The following KCNQ5 variants were observed in gnomAD, a reference collection of about 807,000 sequenced individuals.
KCNQ5 encodes potassium voltage-gated channel subfamily KQT member 5.
Under a neutral mutation model 98.2 loss-of-function variants are expected in KCNQ5, and 30 were observed. The ratio of observed to expected loss-of-function variants is 0.31; its 90% CI spans 0.23 to 0.41. The LOEUF (loss-of-function observed/expected upper bound fraction) is 0.41. Ranked by LOEUF, KCNQ5 falls within the 10% of genes least tolerant of loss-of-function variation. The pLI, the probability that KCNQ5 is intolerant of heterozygous loss-of-function variation, is 1.00. For missense variants in KCNQ5, 835 were observed against 1,182.5 expected, an observed-to-expected ratio of 0.71 and a Z score of 4.31; for synonymous variants, 458 against 449.4, an observed-to-expected ratio of 1.02 and a Z score of -0.24.
intron 7 of KCNQ5, among the ~76,000 whole-genome samples, chr6:73,112,142 A>T (rs1173644432): frequency 6.6e-6 from 1 of 152,106 alleles, no homozygotes; most frequent in Non-Finnish European, 1.5e-5. Flanking sequence ...TTAGATTCAT[A>T]ATGTAGAGTT....
intron 1 of KCNQ5, among the ~76,000 whole-genome samples, chr6:72,845,539 C>A (rs1776984665): frequency 6.6e-6 from 1 of 152,150 alleles, no homozygotes; most frequent in South Asian, 2.1e-4. Flanking sequence ...ATATTTTAAA[C>A]ACTTTCAGAT....
At chr6:72,671,879 C>T (rs553840426) in intron 1 of KCNQ5, among the ~76,000 whole-genome samples, 12 of 150,392 alleles carry the variant, frequency 8.0e-5, no homozygotes, top group Non-Finnish European at 3.0e-5. Context: ...TGCAGTGGCA[C>T]GATCTCGGCT....
At chr6:72,736,095 A>ACG (rs1182095910) in intron 1 of KCNQ5, among the ~76,000 whole-genome samples, 2 of 151,748 alleles carry the variant, frequency 1.3e-5, no homozygotes, top group African/African-American at 4.8e-5. Context: ...ACACACACAC[A>ACG]CACACACACA....
chr6:73,072,455 C>T (rs9446831), intron 3 of KCNQ5, among the ~76,000 whole-genome samples: 4,802 of 152,264 alleles, frequency 0.032, 242 homozygotes, highest in African/African-American at 0.11. Flanking sequence ...ATTGGCCTTG[C>T]TCTAACCCAA....
intron 1 of KCNQ5, among the ~76,000 whole-genome samples, chr6:72,961,804 AGAG>A (rs1767370536): frequency 6.6e-6 from 1 of 152,180 alleles, no homozygotes; most frequent in East Asian, 1.9e-4. Flanking sequence ...AGAGGTTGAC[AGAG>A]GAGAACAGAG....
intron 1 of KCNQ5, among the ~76,000 whole-genome samples, chr6:72,917,260 A>T (rs1174017679): frequency 6.6e-6 from 1 of 152,188 alleles, no homozygotes; most frequent in Non-Finnish European, 1.5e-5. Context: ...AGAAAAAAAT[A>T]CCAATACTTA....
intron 1 of KCNQ5, among the ~76,000 whole-genome samples, chr6:72,984,445 C>T (rs116086801): frequency 0.026 from 3,890 of 152,260 alleles, 167 homozygotes; most frequent in African/African-American, 0.087. Flanking sequence ...GCCAGGCTGC[C>T]GCCTCACAGT....
intron 1 of KCNQ5, among the ~76,000 whole-genome samples, chr6:72,721,820 G>A (rs889830111): frequency 2.0e-5 from 3 of 152,154 alleles, no homozygotes; most frequent in Admixed American, 6.5e-5. Flanking sequence ...CTATCAGGCT[G>A]TGTGAACCTT....
chr6:72,752,593 A>G, intron 1 of KCNQ5, among the ~76,000 whole-genome samples: 1 of 152,122 alleles, frequency 6.6e-6, no homozygotes, highest in East Asian at 1.9e-4. Flanking sequence ...GTGAGTCTCC[A>G]AGTTGTATTC....
chr6:72,815,743 G>A (rs1775479366), intron 1 of KCNQ5, among the ~76,000 whole-genome samples: 1 of 152,166 alleles, frequency 6.6e-6, no homozygotes, highest in South Asian at 2.1e-4. Context: ...TGAGACTGGT[G>A]CAAGAGGGAT....
chr6:73,095,857 G>A (rs1235212069), intron 5 of KCNQ5, among the ~76,000 whole-genome samples: 1 of 152,238 alleles, frequency 6.6e-6, no homozygotes, highest in East Asian at 1.9e-4. Context: ...CTTCCTGCAG[G>A]GGGTCTGTGG....
intron 1 of KCNQ5, 41 bp from the exon 2 acceptor site, chr6:73,003,867 G>C: frequency 1.5e-6 from 2 of 1,296,266 alleles, no homozygotes; most frequent in African/African-American, 2.9e-5. Context: ...GTGATAATAA[G>C]GTAAGGTTCT....
At chr6:72,852,640 A>AAGATATATATATATAT (rs1777311943) in intron 1 of KCNQ5, among the ~76,000 whole-genome samples, 1 of 56,802 alleles carries the variant, frequency 1.8e-5, no homozygotes, top group African/African-American at 8.9e-5. Flanking sequence ...ATGAAGGGGA[A>AAGATATATATATATAT]ATATATATAT....
At chr6:72,792,549 G>A (rs1774108871) in intron 1 of KCNQ5, among the ~76,000 whole-genome samples, 1 of 152,118 alleles carries the variant, frequency 6.6e-6, no homozygotes, top group African/African-American at 2.4e-5. Context: ...GTGACGATGG[G>A]TCATGTTTTT....
At chr6:73,153,801 A>T (rs967013375) in intron 10 of KCNQ5, among the ~76,000 whole-genome samples, 2 of 152,056 alleles carry the variant, frequency 1.3e-5, no homozygotes, top group African/African-American at 4.8e-5. Context: ...TTATGTCAAG[A>T]ATGTCATAAT....
At chr6:72,737,278 A>AT (rs1238268206) in intron 1 of KCNQ5, among the ~76,000 whole-genome samples, 2 of 152,312 alleles carry the variant, frequency 1.3e-5, no homozygotes, top group Middle Eastern at 3.4e-3. Context: ...TTTTAGTAGT[A>AT]ACAGTTTGAT....
At chr6:73,066,501 C>T (rs1375738889) in intron 3 of KCNQ5, among the ~76,000 whole-genome samples, 2 of 152,098 alleles carry the variant, frequency 1.3e-5, no homozygotes, top group Non-Finnish European at 2.9e-5. Context: ...AAATATTTGT[C>T]GAATGAACTA....
At chr6:72,920,195 G>A (rs1013580563) in intron 1 of KCNQ5, among the ~76,000 whole-genome samples, 1 of 152,132 alleles carries the variant, frequency 6.6e-6, no homozygotes, top group African/African-American at 2.4e-5. Context: ...TCAGGAGGCT[G>A]AGGCAGGGGA....
At chr6:73,152,924 G>A (rs1217495650) in intron 10 of KCNQ5, among the ~76,000 whole-genome samples, 1 of 152,122 alleles carries the variant, frequency 6.6e-6, no homozygotes, top group African/African-American at 2.4e-5. Flanking sequence ...ATCTGTGTAT[G>A]ATCACTTAAT....
Sources: allele counts gnomAD v4.1 joint callset (sites outside exome capture counted in the v4.1 genomes callset), GRCh38; gene constraint gnomAD v4.1.1; transcripts MANE v1.5; gene names NCBI Gene and HGNC (gene_info 2026-07-23, HGNC 2026-07-21).